The following IPO11 variants were observed in gnomAD, a reference collection of about 807,000 sequenced individuals.
IPO11 encodes the protein importin 11.
IPO11 carries 66 observed loss-of-function variants against 143.2 expected under a neutral mutation model. That is an observed-to-expected ratio of 0.46 (90% confidence interval 0.38 to 0.57). The LOEUF is 0.57. Among genes scored for constraint, IPO11 ranks in the 20% least tolerant of loss-of-function variants. The pLI, the probability that IPO11 is intolerant of heterozygous loss-of-function variation, is 0.00. For missense variants in IPO11, 1,026 were observed against 1,141.0 expected, an observed-to-expected ratio of 0.90 and a Z score of 1.45; for synonymous variants, 385 against 377.8, an observed-to-expected ratio of 1.02 and a Z score of -0.22.
intron 16 of IPO11, among the ~76,000 whole-genome samples, chr5:62,497,791 G>C (rs1322148013): frequency 1.3e-5 from 2 of 152,084 alleles, no homozygotes; most frequent in African/African-American, 4.8e-5. Flanking sequence ...CTTCACTCTT[G>C]GTTTTTTATT....
At chr5:62,560,033 A>G (rs971968288) in intron 26 of IPO11, among the ~76,000 whole-genome samples, 1 of 151,336 alleles carries the variant, frequency 6.6e-6, no homozygotes, top group Non-Finnish European at 1.5e-5. Flanking sequence ...CAGGTTTATT[A>G]TATTTTATAG....
intron 6 of IPO11, 133 bp downstream of exon 6, chr5:62,467,396 A>G: frequency 2.2e-6 from 2 of 922,304 alleles, no homozygotes; most frequent in Non-Finnish European, 3.2e-6. Context: ...CTGAAAGATA[A>G]GGGCTTATTT....
intron 27 of IPO11, among the ~76,000 whole-genome samples, chr5:62,582,004 A>C (rs1229029445): frequency 6.6e-6 from 1 of 152,214 alleles, no homozygotes; most frequent in East Asian, 1.9e-4. Flanking sequence ...TTCAGGAACT[A>C]AAATTCAGTA....
chr5:62,568,574 C>CCAAAA, intron 27 of IPO11, among the ~76,000 whole-genome samples: 1 of 51,902 alleles, frequency 1.9e-5, no homozygotes, highest in Middle Eastern at 0.011. Context: ...ACTCTGTCTC[C>CCAAAA]AAAAAAAAAA....
chr5:62,413,151 A>G (rs1005721614), intron 1 of IPO11, among the ~76,000 whole-genome samples: 5 of 152,078 alleles, frequency 3.3e-5, no homozygotes, highest in Admixed American at 3.3e-4. Context: ...ATGGTAGTGG[A>G]GCAATCAGGG....
chr5:62,598,034 A>G (rs1001798243), intron 28 of IPO11, among the ~76,000 whole-genome samples: 2 of 152,210 alleles, frequency 1.3e-5, no homozygotes, highest in Non-Finnish European at 2.9e-5. Context: ...CCACTGACAG[A>G]TAAGTAATCT....
intron 20 of IPO11, among the ~76,000 whole-genome samples, chr5:62,525,877 G>T (rs1231899734): frequency 6.6e-6 from 1 of 152,148 alleles, no homozygotes; most frequent in East Asian, 1.9e-4. Flanking sequence ...TCTTATATGT[G>T]CAGTCTATTA....
intron 11 of IPO11, 112 bp downstream of exon 11, chr5:62,484,274 C>G: frequency 1.1e-6 from 1 of 877,360 alleles, no homozygotes; most frequent in Non-Finnish European, 1.6e-6. Context: ...ATCTGGAAAT[C>G]TTGGTGTTTT....
intron 22 of IPO11, among the ~76,000 whole-genome samples, chr5:62,532,787 T>A (rs1489644270): frequency 9.9e-5 from 15 of 152,216 alleles, no homozygotes; most frequent in Non-Finnish European, 2.2e-4. Context: ...TGCTAGTATG[T>A]TTAGTACTAT....
intron 19 of IPO11, among the ~76,000 whole-genome samples, chr5:62,512,067 T>G (rs1195876696): frequency 1.4e-4 from 21 of 152,324 alleles, no homozygotes; most frequent in African/African-American, 4.3e-4. Flanking sequence ...TGGGCTATGG[T>G]GGAGGTGGCT....
chr5:62,470,348 G>A (rs1457194085), intron 7 of IPO11, 40 bp downstream of exon 7: 1 of 1,549,568 alleles, frequency 6.5e-7, no homozygotes, highest in Admixed American at 1.7e-5. Flanking sequence ...TTGGGAAAGT[G>A]GTATTTTCCT....
intron 27 of IPO11, chr5:62,578,824 G>C: frequency 4.8e-6 from 2 of 415,446 alleles, no homozygotes; most frequent in Non-Finnish European, 9.6e-6. Context: ...GTGGGGTGGA[G>C]GTCAGCAGTG....
chr5:62,429,472 T>C (rs247248), intron 1 of IPO11, among the ~76,000 whole-genome samples: 63,113 of 151,766 alleles, frequency 0.42, 13,384 homozygotes, highest in East Asian at 0.6. Context: ...GGCTGGAGTG[T>C]AGTGGCGTGA....
chr5:62,445,629 A>T (rs1017183838), intron 3 of IPO11, among the ~76,000 whole-genome samples: 7 of 152,148 alleles, frequency 4.6e-5, no homozygotes, highest in African/African-American at 1.7e-4. Flanking sequence ...GTGTTCAATA[A>T]ATTAACATGA....
intron 18 of IPO11, 87 bp from the exon 19 acceptor site, chr5:62,506,154 A>T (rs974584277): frequency 2.4e-5 from 16 of 653,844 alleles, no homozygotes; most frequent in Non-Finnish European, 3.8e-5. Context: ...TGACATTATG[A>T]TTTATTTCTT....
chr5:62,425,565 G>T (rs534803958), intron 1 of IPO11, among the ~76,000 whole-genome samples: 1 of 152,044 alleles, frequency 6.6e-6, no homozygotes, highest in Non-Finnish European at 1.5e-5. Context: ...TGATCCACCC[G>T]CCCCGGCCTC....
intron 27 of IPO11, among the ~76,000 whole-genome samples, chr5:62,573,916 A>C (rs1383818066): frequency 1.3e-5 from 2 of 152,182 alleles, no homozygotes; most frequent in African/African-American, 4.8e-5. Flanking sequence ...TATTTAGGTT[A>C]ATCCTTATTT....
chr5:62,538,163 G>A (rs1742802528), intron 24 of IPO11, among the ~76,000 whole-genome samples: 1 of 152,112 alleles, frequency 6.6e-6, no homozygotes, highest in African/African-American at 2.4e-5. Flanking sequence ...TTGCTTTAGA[G>A]CCTAAAAATG....
intron 26 of IPO11, among the ~76,000 whole-genome samples, chr5:62,553,081 C>G (rs1743444850): frequency 1.3e-5 from 2 of 152,018 alleles, no homozygotes; most frequent in South Asian, 4.1e-4. Flanking sequence ...ATTTTTTTAT[C>G]TTTTAACCAA....
Sources: allele counts gnomAD v4.1 joint callset (sites outside exome capture counted in the v4.1 genomes callset), GRCh38; gene constraint gnomAD v4.1.1; transcripts MANE v1.5; gene names NCBI Gene and HGNC (gene_info 2026-07-23, HGNC 2026-07-21).